Variants in GC observed in about 807,000 individuals in gnomAD.
GC encodes the protein vitamin D-binding protein.
A neutral mutation model predicts 56.7 loss-of-function variants in GC; 43 were observed. The ratio of observed to expected loss-of-function variants is 0.76; its 90% CI spans 0.59 to 0.98. The LOEUF is 0.98. Ranked by LOEUF, GC falls within the 50% of genes least tolerant of loss-of-function variation. The pLI is 0.00. For synonymous variants in GC, 216 were observed against 202.7 expected, an observed-to-expected ratio of 1.07 and a Z score of -0.56; for missense variants, 529 against 545.9, an observed-to-expected ratio of 0.97 and a Z score of 0.31.
intron 1 of GC, among the ~76,000 whole-genome samples, chr4:71,789,700 G>A (rs1742925182): frequency 6.6e-6 from 1 of 151,812 alleles, no homozygotes; most frequent in Admixed American, 6.6e-5. Flanking sequence ...CCTGGCAAGG[G>A]GGAATTGAGG....
At chr4:71,758,587 C>T (rs545689572) in intron 6 of GC, among the ~76,000 whole-genome samples, 4 of 152,122 alleles carry the variant, frequency 2.6e-5, no homozygotes, top group Admixed American at 6.6e-5. Flanking sequence ...TAGCTTTACA[C>T]CACAGAGTTA....
At chr4:71,770,476 A>G (rs1209168729) in intron 1 of GC, among the ~76,000 whole-genome samples, 1 of 152,184 alleles carries the variant, frequency 6.6e-6, no homozygotes, top group Non-Finnish European at 1.5e-5. Flanking sequence ...GAGAGAGATC[A>G]CAGAAGAACA....
chr4:71,743,885 G>A (rs1264897832), intron 12 of GC, among the ~76,000 whole-genome samples: 1 of 152,174 alleles, frequency 6.6e-6, no homozygotes, highest in African/African-American at 2.4e-5. Flanking sequence ...ATAATTTTAG[G>A]AAGGAATATG....
intron 1 of GC, among the ~76,000 whole-genome samples, chr4:71,778,975 G>A (rs976884593): frequency 6.7e-6 from 1 of 149,688 alleles, no homozygotes; most frequent in African/African-American, 2.5e-5. Flanking sequence ...ATATATTTAT[G>A]TACATACCTA....
intron 1 of GC, among the ~76,000 whole-genome samples, chr4:71,773,016 A>G (rs1021760192): frequency 1.3e-5 from 2 of 152,096 alleles, no homozygotes; most frequent in Admixed American, 6.6e-5. Flanking sequence ...TCCATGGAAT[A>G]CTGCTTAATA....
At chr4:71,791,490 C>A (rs1434467948) in intron 1 of GC, among the ~76,000 whole-genome samples, 1 of 151,896 alleles carries the variant, frequency 6.6e-6, no homozygotes, top group African/African-American at 2.4e-5. Context: ...ATTGGGATTG[C>A]ATTAAATCTA....
rs368943930 is a variant in GC, at chr4:71,754,541, A to G, written c.1165-33T>C. 4 of 1,127,566 alleles carry G rather than the reference A, an allele frequency of 3.5e-6. No individual in the cohort carries two copies. In the African/African-American group the frequency reaches 6.1e-5, roughly 17 times the overall value. The allele number at this position is 1,127,566 out of a possible 1,614,324, so 69.8% of individuals were successfully genotyped here. A position where few individuals can be genotyped will look rare whatever the true frequency, so the allele number is the denominator to read the frequency against. On this transcript the variant is annotated intron_variant, in intron 9 of 12. Transcript: ENST00000273951. Reference sequence around the variant, plus strand: ...AAAACAATAATTGCATAACAAAATTATTTGTCTTGAAACCTTGTCCCATCA... The same window carrying G: ...AAAACAATAATTGCATAACAAAATTGTTTGTCTTGAAACCTTGTCCCATCA...
chr4:71,766,512 A>T (rs748924912), intron 3 of GC, among the ~76,000 whole-genome samples: 1 of 152,236 alleles, frequency 6.6e-6, no homozygotes, highest in Admixed American at 6.5e-5. Flanking sequence ...AAGAATAGAA[A>T]TAGTCATCAT....
At chr4:71,780,069 TA>T (rs1270482004) in intron 1 of GC, among the ~76,000 whole-genome samples, 2 of 151,924 alleles carry the variant, frequency 1.3e-5, no homozygotes, top group Non-Finnish European at 2.9e-5. Context: ...ATTACCTTAA[TA>T]ATTTTGTAGC....
intron 12 of GC, among the ~76,000 whole-genome samples, chr4:71,742,990 G>A (rs1238493392): frequency 6.6e-6 from 1 of 152,048 alleles, no homozygotes; most frequent in Admixed American, 6.6e-5. Context: ...GGCAGGGTGG[G>A]GGGTAAGAGA....
At chr4:71,746,077 T>C in intron 12 of GC, 74 bp downstream of exon 12, 2 of 714,154 alleles carry the variant, frequency 2.8e-6, no homozygotes, top group Non-Finnish European at 5.1e-6. Flanking sequence ...AAAGTCTCCT[T>C]CCCATTCTTT....
intron 5 of GC, 33 bp downstream of exon 5, chr4:71,763,771 A>C: frequency 6.4e-7 from 1 of 1,558,912 alleles, no homozygotes; most frequent in Non-Finnish European, 8.7e-7. Context: ...GAAGAAAAAA[A>C]CGTAAACATA....
chr4:71,760,398 T>G (rs1741930002), intron 6 of GC, among the ~76,000 whole-genome samples: 1 of 151,992 alleles, frequency 6.6e-6, no homozygotes, highest in Non-Finnish European at 1.5e-5. Context: ...TATGCATTGC[T>G]GGCAAGAAGT....
intron 12 of GC, among the ~76,000 whole-genome samples, chr4:71,745,056 A>G (rs1741318234): frequency 6.6e-6 from 1 of 152,208 alleles, no homozygotes; most frequent in South Asian, 2.1e-4. Context: ...CAGTGCAACA[A>G]CTTTGCTAGT....
intron 3 of GC, among the ~76,000 whole-genome samples, chr4:71,765,981 G>A (rs139303362): frequency 2.0e-4 from 31 of 152,266 alleles, no homozygotes; most frequent in African/African-American, 7.5e-4. Context: ...GAGGATGAGA[G>A]GGTCATTTGA....
At chr4:71,793,121 T>C (rs1231092945) in intron 1 of GC, among the ~76,000 whole-genome samples, 2 of 152,224 alleles carry the variant, frequency 1.3e-5, no homozygotes, top group East Asian at 1.9e-4. Context: ...TTCTTTTTGC[T>C]TAGGATTGTC....
chr4:71,756,585 C>A (rs1021031989), intron 8 of GC, 127 bp downstream of exon 8: 1 of 643,030 alleles, frequency 1.6e-6, no homozygotes, highest in Non-Finnish European at 2.8e-6. Context: ...CCATGAAAAG[C>A]ATAAAGGTAG....
chr4:71,749,481 A>G (rs1474191515), intron 11 of GC, among the ~76,000 whole-genome samples: 1 of 152,162 alleles, frequency 6.6e-6, no homozygotes, highest in Non-Finnish European at 1.5e-5. Flanking sequence ...TTCAAAAGTG[A>G]TATTTCTTAT....
chr4:71,779,094 T>G (rs1183640343), intron 1 of GC, among the ~76,000 whole-genome samples: 1 of 151,732 alleles, frequency 6.6e-6, no homozygotes, highest in Non-Finnish European at 1.5e-5. Flanking sequence ...AACCTGAGTC[T>G]GATGGTAGAC....
Sources: allele counts gnomAD v4.1 joint callset (sites outside exome capture counted in the v4.1 genomes callset), GRCh38; gene constraint gnomAD v4.1.1; transcripts MANE v1.5; gene names NCBI Gene and HGNC (gene_info 2026-07-23, HGNC 2026-07-21).